GRB10: variants seen among roughly 807,000 people sequenced by gnomAD.
GRB10 encodes the protein growth factor receptor bound protein 10.
Under a neutral mutation model 80.9 loss-of-function variants are expected in GRB10, and 20 were observed. That is an observed-to-expected ratio of 0.25 (90% confidence interval 0.17 to 0.36). The LOEUF (loss-of-function observed/expected upper bound fraction) is 0.36. Ranked by LOEUF, GRB10 falls within the 10% of genes least tolerant of loss-of-function variation. GRB10 has a pLI of 1.00. For missense variants in GRB10, 548 were observed against 747.7 expected, an observed-to-expected ratio of 0.73 and a Z score of 3.12; for synonymous variants, 291 against 291.5, an observed-to-expected ratio of 1.00 and a Z score of 0.02.
chr7:50,632,873 C>T (rs529705309), intron 7 of GRB10, among the ~76,000 whole-genome samples: 8 of 152,244 alleles, frequency 5.3e-5, no homozygotes, highest in East Asian at 1.9e-4. Context: ...CCTAGACCCC[C>T]GCCAAGGTTG....
rs73344842 is a variant in GRB10, at chr7:50,618,614, G to A, written c.778-475C>T. On this transcript the variant is annotated intron_variant, in intron 9 of 18. Coordinates refer to ENST00000401949, the MANE Select transcript of GRB10 (RefSeq NM_001350814.2). ...GCCCTGGGTCTTCTCCCCAGTTGAT[G>A]CAGCTCTGACCCATGACTCAGGATG... Among the ~76,000 whole-genome samples the A allele has an allele frequency of 9.0e-3, 1,369 of 152,348 alleles. 25 individuals are homozygous for A. Among genetic ancestry groups the A allele is most frequent in the African/African-American group, 0.032 (1,316 of 41,578 alleles).
At position 50,593,112 on chromosome 7, in the gene GRB10, A is replaced by G. The variant is rs762262034; in HGVS notation, c.1639-14T>C. 36 of 1,613,998 alleles carry G rather than the reference A, an allele frequency of 2.2e-5. No individual in the cohort carries two copies. The highest frequency in any genetic ancestry group is 2.9e-5 in the Non-Finnish European group (34 of 1,180,040). On this transcript the variant is annotated splice_polypyrimidine_tract_variant and intron_variant, in intron 18 of 18. Coordinates refer to ENST00000401949, the MANE Select transcript of GRB10 (RefSeq NM_001350814.2). ...GTCGTCCTCGCACTGGAGAGACACA[A>G]GAACACTTGCCAGGTTAGAGGCTGC...
intron 7 of GRB10, among the ~76,000 whole-genome samples, chr7:50,637,718 C>A (rs1437980192): frequency 1.1e-4 from 17 of 148,694 alleles, no homozygotes; most frequent in African/African-American, 1.2e-4. Flanking sequence ...TCATGTGGAA[C>A]AAAAAAAAAA....
chr7:50,780,147 A>C (rs535633559), intron 2 of GRB10, among the ~76,000 whole-genome samples: 1 of 152,320 alleles, frequency 6.6e-6, no homozygotes, highest in South Asian at 2.1e-4. Flanking sequence ...CTCCTGAACA[A>C]ATCAGAATAA....
At chr7:50,731,906 C>A (rs2069807415) in intron 4 of GRB10, among the ~76,000 whole-genome samples, 2 of 152,242 alleles carry the variant, frequency 1.3e-5, no homozygotes, top group Admixed American at 1.3e-4. Context: ...CACTGCAGAA[C>A]CCGTCATCAG....
intron 8 of GRB10, among the ~76,000 whole-genome samples, chr7:50,625,223 T>G (rs1464259026): frequency 6.6e-6 from 1 of 152,320 alleles, no homozygotes; most frequent in South Asian, 2.1e-4. Context: ...CTGTACCCAA[T>G]TTCTATGTGT....
intron 2 of GRB10, among the ~76,000 whole-genome samples, chr7:50,773,479 AAGGCAGGG>A (rs2077235684): frequency 3.7e-5 from 1 of 27,126 alleles, no homozygotes; most frequent in Admixed American, 4.8e-4. Context: ...AGGGGAGGGG[AAGGCAGGG>A]GAGGGGAGGG....
At chr7:50,712,774 G>T (rs1390816814) in intron 4 of GRB10, among the ~76,000 whole-genome samples, 1 of 152,182 alleles carries the variant, frequency 6.6e-6, no homozygotes, top group East Asian at 1.9e-4. Context: ...ATCAATTCTG[G>T]TTATTCACAA....
chr7:50,781,252 T>G (rs2078239762), intron 1 of GRB10: 1 of 152,266 alleles, frequency 6.6e-6, no homozygotes, highest in Non-Finnish European at 1.5e-5. Context: ...AAACCGTCCT[T>G]CAGCGCGTGG....
chr7:50,694,798 A>G (rs1257473784), intron 5 of GRB10, among the ~76,000 whole-genome samples: 1 of 152,226 alleles, frequency 6.6e-6, no homozygotes, highest in Non-Finnish European at 1.5e-5. Flanking sequence ...TATTTAATTT[A>G]TATTACTTTT....
At chr7:50,616,689 A>C (rs1299303572) in intron 10 of GRB10, among the ~76,000 whole-genome samples, 1 of 152,214 alleles carries the variant, frequency 6.6e-6, no homozygotes, top group Admixed American at 6.5e-5. Context: ...CTGGAGACTG[A>C]CAGTGAGTAT....
intron 4 of GRB10, chr7:50,711,076 C>T (rs1169154904): frequency 1.5e-5 from 10 of 647,070 alleles, no homozygotes; most frequent in African/African-American, 5.4e-5. Flanking sequence ...GACAGGGATT[C>T]GAAATGTCTT....
chr7:50,685,185 G>A (rs919003810), intron 5 of GRB10, among the ~76,000 whole-genome samples: 2 of 152,144 alleles, frequency 1.3e-5, no homozygotes, highest in Non-Finnish European at 2.9e-5. Flanking sequence ...AATATTTGCT[G>A]AACACTAACT....
At chr7:50,658,337 C>T (rs1423662469) in intron 7 of GRB10, among the ~76,000 whole-genome samples, 3 of 152,230 alleles carry the variant, frequency 2.0e-5, no homozygotes, top group African/African-American at 7.2e-5. Context: ...GGGGAAAGTG[C>T]ATTGTCTAGT....
At chr7:50,631,647 G>A (rs968033573) in intron 7 of GRB10, among the ~76,000 whole-genome samples, 1 of 152,208 alleles carries the variant, frequency 6.6e-6, no homozygotes, top group Non-Finnish European at 1.5e-5. Context: ...ATCAAAGCAG[G>A]CAAAAGGTCC....
intron 8 of GRB10, among the ~76,000 whole-genome samples, chr7:50,626,490 C>T (rs919755793): frequency 1.3e-5 from 2 of 152,210 alleles, no homozygotes; most frequent in Admixed American, 1.3e-4. Flanking sequence ...CACCTCCCTC[C>T]TGTCCCCCGC....
intron 7 of GRB10, among the ~76,000 whole-genome samples, chr7:50,647,031 T>G (rs1312467915): frequency 6.6e-6 from 1 of 152,154 alleles, no homozygotes; most frequent in Non-Finnish European, 1.5e-5. Context: ...GCAGAAAGTG[T>G]GGAGCATAAG....
chr7:50,601,205 G>T (rs2047540753), intron 17 of GRB10, among the ~76,000 whole-genome samples: 1 of 152,362 alleles, frequency 6.6e-6, no homozygotes, highest in Non-Finnish European at 1.5e-5. Context: ...ACAATGAAAT[G>T]ACAGAAGGAT....
intron 7 of GRB10, among the ~76,000 whole-genome samples, chr7:50,632,025 T>G (rs2054091516): frequency 1.3e-5 from 2 of 152,222 alleles, no homozygotes; most frequent in Admixed American, 1.3e-4. Flanking sequence ...CCTGAAGGCC[T>G]CAAATTGGGC....
Sources: gnomAD v4.1 joint callset for allele counts (sites outside exome capture counted in the v4.1 genomes callset) on GRCh38, gnomAD v4.1.1 for gene constraint, MANE v1.5 for transcripts, NCBI Gene and HGNC (gene_info 2026-07-23, HGNC 2026-07-21) for gene names.